The following BLTP1 variants were observed in gnomAD, a reference collection of about 807,000 sequenced individuals.
BLTP1 encodes fragile site-associated protein.
At chr4:122,201,025 G>C in the BLTP1 span, 1 of 1,612,354 alleles carries the variant, frequency 6.2e-7, no homozygotes, top group Non-Finnish European at 8.5e-7. Context: ...ATCAATGCCA[G>C]CTACCCCCGA....
the BLTP1 span, among the ~76,000 whole-genome samples, chr4:122,157,423 G>T: frequency 1.2e-4 from 18 of 152,240 alleles, no homozygotes; most frequent in African/African-American, 4.3e-4. Flanking sequence ...GGTGGGGTTG[G>T]TGGGGGGATG....
At chr4:122,156,355 T>C in the BLTP1 span, among the ~76,000 whole-genome samples, 1 of 151,800 alleles carries the variant, frequency 6.6e-6, no homozygotes, top group Non-Finnish European at 1.5e-5. Context: ...AAGGGTGAGG[T>C]TAAAGAAAAA....
At chr4:122,360,505 C>CT in the BLTP1 span, among the ~76,000 whole-genome samples, 2 of 152,042 alleles carry the variant, frequency 1.3e-5, no homozygotes, top group Non-Finnish European at 2.9e-5. Context: ...CCATTACATC[C>CT]CAGCACAACA....
At chr4:122,162,692 G>C in the BLTP1 span, 2 of 980,454 alleles carry the variant, frequency 2.0e-6, no homozygotes, top group Non-Finnish European at 2.4e-6. Flanking sequence ...AAATAGAAGA[G>C]GAAAAGGGAC....
chr4:122,208,384 A>G, the BLTP1 span: 2 of 984,492 alleles, frequency 2.0e-6, no homozygotes, highest in East Asian at 1.1e-4. Context: ...TTAAGAAACT[A>G]GTCATCAAGA....
the BLTP1 span, chr4:122,251,629 A>G: frequency 4.1e-6 from 4 of 984,062 alleles, no homozygotes; most frequent in Non-Finnish European, 4.8e-6. Flanking sequence ...TTCACCTACT[A>G]AAATACTTGA....
the BLTP1 span, among the ~76,000 whole-genome samples, chr4:122,287,996 C>T: frequency 1.3e-5 from 2 of 151,988 alleles, no homozygotes; most frequent in East Asian, 3.9e-4. Flanking sequence ...AAGTTTGTAA[C>T]GAGGTGGAAC....
chr4:122,349,950 G>A, the BLTP1 span: 464 of 1,613,736 alleles, frequency 2.9e-4, no homozygotes, highest in Non-Finnish European at 3.8e-4. The surrounding 1 kb of genome is among the most constrained non-coding windows in gnomAD (Gnocchi z 4.5). Context: ...TAGGAATGAA[G>A]CTCCAGGAAT....
chr4:122,183,315 G>T, the BLTP1 span: 6 of 814,252 alleles, frequency 7.4e-6, no homozygotes, highest in Non-Finnish European at 8.7e-6. Context: ...CACACTGGGG[G>T]ACAGAGCGAG....
chr4:122,266,239 C>G, the BLTP1 span, among the ~76,000 whole-genome samples: 150,625 of 152,326 alleles, frequency 0.99, 74,491 homozygotes, highest in Middle Eastern at 1. Flanking sequence ...CCAGAATAAT[C>G]TATCTCCATA....
the BLTP1 span, chr4:122,219,390 C>G: frequency 6.2e-7 from 1 of 1,614,068 alleles, no homozygotes; most frequent in Admixed American, 1.7e-5. Context: ...AAGAGGTTAT[C>G]TCAAGTCCTG....
At chr4:122,339,575 T>C in the BLTP1 span, among the ~76,000 whole-genome samples, 1 of 152,182 alleles carries the variant, frequency 6.6e-6, no homozygotes, top group African/African-American at 2.4e-5. Flanking sequence ...TGAGTATATT[T>C]CATGTGTTAT....
chr4:122,300,012 T>TA, the BLTP1 span: 11 of 865,308 alleles, frequency 1.3e-5, no homozygotes, highest in African/African-American at 7.3e-5. Context: ...CAAATATATA[T>TA]TTTTTTATTT....
chr4:122,288,215 TAGGACACAAATTA>T, the BLTP1 span, among the ~76,000 whole-genome samples: 1 of 152,132 alleles, frequency 6.6e-6, no homozygotes, highest in Non-Finnish European at 1.5e-5. Context: ...ACACAAATTA[TAGGACACAAATTA>T]AGGACACAAA....
the BLTP1 span, chr4:122,194,442 T>A: frequency 1.8e-5 from 10 of 566,148 alleles, no homozygotes; most frequent in South Asian, 7.8e-4. Context: ...GGATTTAAAT[T>A]TTCCTCTTCT....
the BLTP1 span, chr4:122,273,259 C>A: frequency 3.1e-6 from 3 of 973,670 alleles, no homozygotes; most frequent in Non-Finnish European, 3.7e-6. Flanking sequence ...ATATACCCTT[C>A]TTTACCTGTT....
the BLTP1 span, chr4:122,246,921 C>A: frequency 6.8e-7 from 1 of 1,479,748 alleles, no homozygotes; most frequent in East Asian, 2.4e-5. Flanking sequence ...TGTTAAAACT[C>A]AGAACTGGTT....
At chr4:122,199,306 T>C in the BLTP1 span, 4 of 1,593,936 alleles carry the variant, frequency 2.5e-6, no homozygotes, top group Non-Finnish European at 1.7e-6. Context: ...TCCAAAGATG[T>C]TTCATTTTGT....
chr4:122,248,472 T>C, the BLTP1 span, among the ~76,000 whole-genome samples: 1 of 152,054 alleles, frequency 6.6e-6, no homozygotes. Context: ...AATAACCTCA[T>C]AATATTTGTT....
Sources: gnomAD v4.1 joint callset for allele counts (sites outside exome capture counted in the v4.1 genomes callset) on GRCh38, gnomAD v4.1.1 for gene constraint, Gnocchi (gnomAD v3.1) non-coding constraint, MANE v1.5 for transcripts, NCBI Gene and HGNC (gene_info 2026-07-23, HGNC 2026-07-21) for gene names.